ACVR2A: variants seen among roughly 807,000 people sequenced by gnomAD.
The protein encoded by ACVR2A is activin A receptor type 2A.
ACVR2A carries 7 observed loss-of-function variants against 61.4 expected under a neutral mutation model. The ratio of observed to expected loss-of-function variants is 0.11; its 90% CI spans 0.06 to 0.21. ACVR2A has a LOEUF of 0.21. ACVR2A is among the 10% of genes least tolerant of loss of function. The pLI is 1.00. For missense variants in ACVR2A, 322 were observed against 621.7 expected (o/e 0.52, Z 5.13); for synonymous variants, 193 against 208.3 (o/e 0.93, Z 0.63).
chr2:147,863,623 AATC>A (rs1404990272), intron 1 of ACVR2A, among the ~76,000 whole-genome samples: 1 of 152,198 alleles, frequency 6.6e-6, no homozygotes, highest in Non-Finnish European at 1.5e-5. Context: ...TATTAAGAAA[AATC>A]ATAAGGGAGG....
intron 1 of ACVR2A, among the ~76,000 whole-genome samples, chr2:147,868,213 T>G (rs1167810178): frequency 2.0e-5 from 3 of 152,328 alleles, no homozygotes; most frequent in African/African-American, 4.8e-5. Context: ...CTTGGAAGAA[T>G]GATAGGATGT....
rs75237852 is a variant in ACVR2A, at chr2:147,916,815, G to T, written c.673-468G>T. 4.7e-3 allele frequency among the ~76,000 whole-genome samples: 714 copies of T among 151,976 alleles called. 23 individuals are homozygous for T. Among genetic ancestry groups the T allele is most frequent in the East Asian group, 0.037 (191 of 5,172 alleles). ...CTTGCTTTCTCATAGACCTTGTAGG[G>T]TATGCTAAACATTTTTTGAAGGATG... On this transcript the variant is annotated intron_variant, in intron 5 of 10. Coordinates refer to ENST00000241416, the MANE Select transcript of ACVR2A (RefSeq NM_001616.5).
intron 7 of ACVR2A, among the ~76,000 whole-genome samples, chr2:147,919,921 A>T (rs1030096824): frequency 6.6e-6 from 1 of 152,176 alleles, no homozygotes; most frequent in Non-Finnish European, 1.5e-5. Flanking sequence ...AGATATTAAC[A>T]GTAGTTTTAT....
intron 8 of ACVR2A, among the ~76,000 whole-genome samples, chr2:147,922,528 A>G (rs1484290484): frequency 2.6e-5 from 4 of 152,184 alleles, no homozygotes; most frequent in African/African-American, 9.6e-5. Flanking sequence ...TTATGAATAA[A>G]CAAATACATA....
intron 1 of ACVR2A, among the ~76,000 whole-genome samples, chr2:147,881,267 G>A (rs1226975828): frequency 6.6e-6 from 1 of 152,110 alleles, no homozygotes; most frequent in Admixed American, 6.6e-5. Flanking sequence ...GGGAAGTGAA[G>A]TTTTTTGATA....
intron 1 of ACVR2A, among the ~76,000 whole-genome samples, chr2:147,866,122 A>G (rs1685848597): frequency 6.6e-6 from 1 of 152,188 alleles, no homozygotes; most frequent in Non-Finnish European, 1.5e-5. Flanking sequence ...ATCAAGCATT[A>G]AAGCCAGAGG....
upstream of ACVR2A, chr2:147,844,975 C>CTTTTTTT (rs879026054): frequency 8.0e-6 from 1 of 125,438 alleles, no homozygotes; most frequent in Non-Finnish European, 1.3e-5. Context: ...TCTTTTTTTT[C>CTTTTTTT]TTTTTTTTTT....
At chr2:147,893,120 G>A (rs992277186) in intron 1 of ACVR2A, among the ~76,000 whole-genome samples, 2 of 151,968 alleles carry the variant, frequency 1.3e-5, no homozygotes, top group African/African-American at 4.8e-5. Flanking sequence ...GCTGATTTCT[G>A]TCTGCCTTTT....
At chr2:147,923,951 T>C (rs1332653887) in intron 9 of ACVR2A, among the ~76,000 whole-genome samples, 1 of 152,112 alleles carries the variant, frequency 6.6e-6, no homozygotes, top group African/African-American at 2.4e-5. Flanking sequence ...TAATAGGCTC[T>C]CGTTGTAGGA....
chr2:147,864,020 G>A (rs986482125), intron 1 of ACVR2A, among the ~76,000 whole-genome samples: 4 of 152,076 alleles, frequency 2.6e-5, no homozygotes, highest in Non-Finnish European at 5.9e-5. Flanking sequence ...CTCATATTTA[G>A]AACATAATTT....
At chr2:147,910,341 AC>A (rs1687084317) in intron 4 of ACVR2A, among the ~76,000 whole-genome samples, 1 of 152,130 alleles carries the variant, frequency 6.6e-6, no homozygotes, top group Non-Finnish European at 1.5e-5. Flanking sequence ...CTGTATTTAA[AC>A]AAGATCTGAG....
chr2:147,891,379 A>G (rs1686578419), intron 1 of ACVR2A, among the ~76,000 whole-genome samples: 1 of 152,156 alleles, frequency 6.6e-6, no homozygotes, highest in Admixed American at 6.5e-5. Flanking sequence ...CCCTTTCCCA[A>G]CAAAATAAAC....
chr2:147,859,724 C>T (rs1401894569), intron 1 of ACVR2A, among the ~76,000 whole-genome samples: 4 of 151,872 alleles, frequency 2.6e-5, no homozygotes, highest in Non-Finnish European at 5.9e-5. Context: ...ATATGAGGCG[C>T]ATGAAAAGTG....
chr2:147,904,775 A>C (rs1686948105), intron 4 of ACVR2A, among the ~76,000 whole-genome samples: 2 of 152,044 alleles, frequency 1.3e-5, no homozygotes, highest in Non-Finnish European at 2.9e-5. Flanking sequence ...AAAATTAATA[A>C]GAATCTGAAA....
intron 1 of ACVR2A, among the ~76,000 whole-genome samples, chr2:147,869,414 A>G (rs1437088547): frequency 6.6e-6 from 1 of 152,146 alleles, no homozygotes; most frequent in Non-Finnish European, 1.5e-5. Context: ...AGACCCTCGC[A>G]GTTGTGTTTG....
At chr2:147,875,608 T>C (rs930427694) in intron 1 of ACVR2A, among the ~76,000 whole-genome samples, 12 of 151,974 alleles carry the variant, frequency 7.9e-5, no homozygotes, top group African/African-American at 2.7e-4. Flanking sequence ...TTGATGGAGG[T>C]TGTGCACTGT....
At chr2:147,876,629 A>G (rs1686162480) in intron 1 of ACVR2A, among the ~76,000 whole-genome samples, 1 of 152,190 alleles carries the variant, frequency 6.6e-6, no homozygotes, top group Non-Finnish European at 1.5e-5. Context: ...TAACACCTGT[A>G]GATATGTAAG....
At chr2:147,865,988 C>T (rs896248594) in intron 1 of ACVR2A, among the ~76,000 whole-genome samples, 2 of 152,106 alleles carry the variant, frequency 1.3e-5, no homozygotes, top group Admixed American at 6.5e-5. Flanking sequence ...TTTATGTTTT[C>T]TCTGTCAGGC....
chr2:147,925,207 CAGCT>C (rs1687474224), intron 9 of ACVR2A, among the ~76,000 whole-genome samples: 2 of 151,984 alleles, frequency 1.3e-5, no homozygotes, highest in South Asian at 4.1e-4. Flanking sequence ...TACCGTTTAA[CAGCT>C]GTATGTCTTT....
Sources: gnomAD v4.1 joint callset for allele counts (sites outside exome capture counted in the v4.1 genomes callset) on GRCh38, gnomAD v4.1.1 for gene constraint, MANE v1.5 for transcripts, NCBI Gene and HGNC (gene_info 2026-07-23, HGNC 2026-07-21) for gene names.